The following CFI variants were observed in gnomAD, a reference collection of about 807,000 sequenced individuals.
The protein encoded by CFI is C3B/C4B inactivator.
Under a neutral mutation model 78.8 loss-of-function variants are expected in CFI, and 66 were observed. That is an observed-to-expected ratio of 0.84 (90% confidence interval 0.69 to 1.03). The LOEUF is 1.03. CFI is among the 50% of genes least tolerant of loss of function. The pLI is 0.00. For missense variants in CFI, 706 were observed against 704.5 expected, an observed-to-expected ratio of 1.00 and a Z score of -0.02; for synonymous variants, 250 against 232.6, an observed-to-expected ratio of 1.07 and a Z score of -0.68.
rs139779213 is a variant in CFI, at chr4:109,740,713, T to A, written c.*180A>T. On this transcript the variant is annotated 3_prime_UTR_variant, in exon 13 of 13. Coordinates refer to ENST00000394634, the MANE Select transcript of CFI (RefSeq NM_000204.5). ...AAACTTGTATGCTTCACCAAAATAT[T>A]TATTTGAGAATTATACAACAAAATT... The A allele has an allele frequency of 8.3e-4, 572 of 688,968 alleles. 3 individuals are homozygous for A. The highest frequency in any genetic ancestry group is 3.3e-5 in the Non-Finnish European group (13 of 393,878). The allele number at this position is 688,968 out of a possible 1,614,324, so 42.7% of individuals were successfully genotyped here. A position where few individuals can be genotyped will look rare whatever the true frequency, so the allele number is the denominator to read the frequency against.
At chr4:109,738,342 C>T (rs1384340032), downstream of CFI, among the ~76,000 whole-genome samples, 1 of 151,964 alleles carries the variant, frequency 6.6e-6, no homozygotes. Context: ...AAACTTCTGA[C>T]CTCAAATGAT....
chr4:109,774,035 T>C (rs1355859889), intron 1 of CFI, among the ~76,000 whole-genome samples: 1 of 152,206 alleles, frequency 6.6e-6, no homozygotes, highest in African/African-American at 2.4e-5. Context: ...ATATCAGAAA[T>C]TTTATTGATT....
At chr4:109,757,812 C>G (rs763473365) in intron 6 of CFI, 29 bp from the exon 7 acceptor site, 1 of 1,328,024 alleles carries the variant, frequency 7.5e-7, no homozygotes. Context: ...AAAAATTTAT[C>G]AAAGGATAAT....
At chr4:109,733,273 A>G in the CFI span, among the ~76,000 whole-genome samples, 9 of 152,282 alleles carry the variant, frequency 5.9e-5, no homozygotes, top group East Asian at 1.7e-3. Context: ...TGCCCAGCTC[A>G]TCTCACGTAA....
chr4:109,768,791 G>A (rs1426950423), intron 1 of CFI, among the ~76,000 whole-genome samples: 8 of 152,184 alleles, frequency 5.3e-5, no homozygotes, highest in African/African-American at 1.2e-4. Context: ...TTTAAATGCC[G>A]TTAAGAAGGC....
At chr4:109,784,071 A>C (rs1383301910) in intron 1 of CFI, among the ~76,000 whole-genome samples, 1 of 151,854 alleles carries the variant, frequency 6.6e-6, no homozygotes, top group East Asian at 1.9e-4. Context: ...AAAGACTACA[A>C]ATATGGTGCA....
At chr4:109,737,570 G>A (rs945335262), downstream of CFI, among the ~76,000 whole-genome samples, 3 of 152,158 alleles carry the variant, frequency 2.0e-5, no homozygotes, top group Admixed American at 6.5e-5. Context: ...CATCCAATGA[G>A]TTGTGTCCCT....
At chr4:109,747,362 T>TG (rs2126188090) in intron 10 of CFI, among the ~76,000 whole-genome samples, 1 of 932 alleles carries the variant, frequency 1.1e-3, no homozygotes, top group African/African-American at 1.3e-3. Context: ...TTTAAAAAAA[T>TG]TTTTTTGTAG....
chr4:109,759,823 G>A (rs527865079), intron 6 of CFI, among the ~76,000 whole-genome samples: 2 of 152,184 alleles, frequency 1.3e-5, no homozygotes, highest in African/African-American at 2.4e-5. Context: ...GAACTCAGGA[G>A]GTTGAGGTTG....
At chr4:109,800,947 T>C (rs1426089419) in intron 1 of CFI, among the ~76,000 whole-genome samples, 2 of 152,200 alleles carry the variant, frequency 1.3e-5, no homozygotes, top group Admixed American at 1.3e-4. Context: ...TTATTCTCTA[T>C]TATAAACATT....
At chr4:109,748,142 T>C (rs973381558) in intron 10 of CFI, among the ~76,000 whole-genome samples, 14 of 152,190 alleles carry the variant, frequency 9.2e-5, no homozygotes, top group African/African-American at 3.4e-4. Flanking sequence ...AAAGGTGGTG[T>C]CCTAGGAAAT....
chr4:109,792,301 A>G (rs765626414), intron 1 of CFI, among the ~76,000 whole-genome samples: 5 of 152,220 alleles, frequency 3.3e-5, no homozygotes, highest in Admixed American at 1.3e-4. Flanking sequence ...ATTTCTGGTC[A>G]GGCACAGTGA....
rs79375065 is a variant in CFI, at chr4:109,764,531, G to A, written c.482+6C>T. The stretch of plus-strand genomic sequence containing the variant: ...CATGAGAAAATCCACTGATACAAGC[G>A]CTCACTGTTGAAACCCAAGGTCAAG... On this transcript the variant is annotated splice_donor_region_variant and intron_variant, in intron 3 of 12. Coordinates refer to ENST00000394634, the MANE Select transcript of CFI (RefSeq NM_000204.5). 15,019 of 1,613,760 alleles carry A rather than the reference G, an allele frequency of 9.3e-3. 491 individuals carry two copies. In the African/African-American group the frequency reaches 0.11, roughly 12 times the overall value.
At position 109,760,328 on chromosome 4, in the gene CFI, C is replaced by G. The variant is rs1726882902; in HGVS notation, c.825G>C (p.Gln275His). Residue 275 changes from glutamine (Q) to histidine (H), a missense_variant, in exon 6 of 13, where the codon CAG becomes CAC. Transcript: ENST00000394634. ...HCKSGVCIPSQYQCNGEVDCI... is the reference protein window; with the variant it reads ...HCKSGVCIPSHYQCNGEVDCI... ...AGTCCACCTCACCATTGCATTGATA[C>G]TGGCTTGGAATGCAAACACCCGATT... 2 of 1,614,186 alleles carry G rather than the reference C, an allele frequency of 1.2e-6. No individual in the cohort carries two copies. The highest frequency in any genetic ancestry group is 1.3e-5 in the African/African-American group (1 of 75,068).
chr4:109,768,364 A>G (rs1387243441), intron 1 of CFI, among the ~76,000 whole-genome samples: 3 of 151,168 alleles, frequency 2.0e-5, no homozygotes, highest in Admixed American at 6.6e-5. Flanking sequence ...GAAAAAAAGA[A>G]TCAGACAAAC....
At chr4:109,772,652 C>T (rs1728745613) in intron 1 of CFI, among the ~76,000 whole-genome samples, 1 of 151,532 alleles carries the variant, frequency 6.6e-6, no homozygotes, top group African/African-American at 2.4e-5. Flanking sequence ...GATCACAGCT[C>T]ACTGTAATCC....
At chr4:109,761,757 G>A in intron 3 of CFI, 65 bp from the exon 4 acceptor site, 1 of 1,339,694 alleles carries the variant, frequency 7.5e-7, no homozygotes, top group East Asian at 2.3e-5. Context: ...TAACCCTACT[G>A]TAGCAGGTAA....
At chr4:109,767,061 G>A (rs528233237) in intron 1 of CFI, among the ~76,000 whole-genome samples, 1 of 152,320 alleles carries the variant, frequency 6.6e-6, no homozygotes, top group Admixed American at 6.5e-5. Context: ...ATGGTGCTGG[G>A]AAAACTGGCT....
chr4:109,764,948 A>G (rs974052261), intron 2 of CFI, among the ~76,000 whole-genome samples: 9 of 152,262 alleles, frequency 5.9e-5, no homozygotes, highest in African/African-American at 2.2e-4. Flanking sequence ...ATTTTTACAC[A>G]AGGAACCTCT....
Sources: gnomAD v4.1 joint callset for allele counts (sites outside exome capture counted in the v4.1 genomes callset) on GRCh38, gnomAD v4.1.1 for gene constraint, MANE v1.5 for transcripts, NCBI Gene and HGNC (gene_info 2026-07-23, HGNC 2026-07-21) for gene names.